ASTN2: variants seen among roughly 807,000 people sequenced by gnomAD.
The protein encoded by ASTN2 is astrotactin 2.
A neutral mutation model predicts 139.8 loss-of-function variants in ASTN2; 54 were observed. The ratio of observed to expected loss-of-function variants is 0.39; its 90% confidence interval spans 0.31 to 0.48. The LOEUF (loss-of-function observed/expected upper bound fraction) is 0.48, where lower values mean the gene tolerates loss of function less well. Ranked by LOEUF, ASTN2 falls within the 20% of genes least tolerant of loss-of-function variation. The pLI is 0.95. For missense variants in ASTN2, 1,565 were observed against 1,725.1 expected (o/e 0.91, Z 1.64); for synonymous variants, 756 against 719.5 (o/e 1.05, Z -0.81).
At chr9:116,672,529 A>G (rs1859259795) in intron 16 of ASTN2, among the ~76,000 whole-genome samples, 1 of 152,204 alleles carries the variant, frequency 6.6e-6, no homozygotes, top group Non-Finnish European at 1.5e-5. Flanking sequence ...TGAGAATAGT[A>G]ATAACAATAA....
At chr9:116,924,863 A>G (rs1834712143) in intron 10 of ASTN2, among the ~76,000 whole-genome samples, 1 of 152,104 alleles carries the variant, frequency 6.6e-6, no homozygotes, top group Non-Finnish European at 1.5e-5. Flanking sequence ...TGTGACTAAG[A>G]ACGCCTTAAC....
chr9:117,170,204 C>A (rs1830758992), intron 3 of ASTN2, among the ~76,000 whole-genome samples: 1 of 152,066 alleles, frequency 6.6e-6, no homozygotes. Flanking sequence ...TCTCATACTT[C>A]CTTTCCTTTG....
intron 17 of ASTN2, among the ~76,000 whole-genome samples, chr9:116,647,329 G>T (rs1459660327): frequency 6.6e-6 from 1 of 152,188 alleles, no homozygotes. Flanking sequence ...AGCATACAGT[G>T]GGGGCTCAAA....
intron 13 of ASTN2, among the ~76,000 whole-genome samples, chr9:116,756,518 A>G (rs1212649890): frequency 6.6e-6 from 1 of 152,126 alleles, no homozygotes; most frequent in South Asian, 2.1e-4. Flanking sequence ...AGTAATTCCA[A>G]GTCTAACAGA....
chr9:116,827,108 G>A lies in ASTN2; in HGVS notation c.2041-6325C>T, dbSNP rs1001484369. 4.6e-5 allele frequency among the ~76,000 whole-genome samples: 7 copies of A among 151,894 alleles called. No individual in the cohort carries two copies. The South Asian group carries it at 1.0e-3, about 23-fold the overall frequency. Reference sequence around the variant, plus strand: ...GCGGATCACCTAAGGTCGGGAGTTCGAGACCAGCCTGAGCAACATGGAGAA... The same window carrying A: ...GCGGATCACCTAAGGTCGGGAGTTCAAGACCAGCCTGAGCAACATGGAGAA... On this transcript the variant is annotated intron_variant, in intron 11 of 22. Transcript: ENST00000313400.
At chr9:116,791,372 T>C (rs1330699988) in intron 13 of ASTN2, among the ~76,000 whole-genome samples, 6 of 152,230 alleles carry the variant, frequency 3.9e-5, no homozygotes, top group Middle Eastern at 3.2e-3. Context: ...CCAATGTGGA[T>C]TGACCATAAT....
At position 116,485,116 on chromosome 9, in the gene ASTN2, C is replaced by T. The variant is rs992449336; in HGVS notation, c.3497+2243G>A. 2.6e-5 allele frequency among the ~76,000 whole-genome samples: 4 copies of T among 152,188 alleles called. No homozygotes were observed. The South Asian group carries it at 8.3e-4, about 32-fold the overall frequency. On this transcript the variant is annotated intron_variant, in intron 20 of 22. Coordinates refer to ENST00000313400, the MANE Select transcript of ASTN2 (RefSeq NM_001365068.1). ...AAAGTTGAAATTATCACAAGGGCAA[C>T]AACAGCAACATTGATAATAGCTAAC...
chr9:116,851,626 T>C (rs992392641), intron 11 of ASTN2, among the ~76,000 whole-genome samples: 1 of 152,152 alleles, frequency 6.6e-6, no homozygotes, highest in African/African-American at 2.4e-5. Flanking sequence ...ATTTTTTCTC[T>C]ATATGTCCTA....
chr9:116,511,112 C>T (rs1430908648), intron 19 of ASTN2, among the ~76,000 whole-genome samples: 1 of 152,094 alleles, frequency 6.6e-6, no homozygotes, highest in South Asian at 2.1e-4. Context: ...CATTTTTTGC[C>T]CATTCAGTAT....
chr9:117,280,013 C>T (rs1834288009), intron 2 of ASTN2, among the ~76,000 whole-genome samples: 1 of 152,142 alleles, frequency 6.6e-6, no homozygotes, highest in Non-Finnish European at 1.5e-5. Context: ...TCCCACATTG[C>T]ATTTAGTTGT....
chr9:116,907,281 G>A (rs1298595742), intron 10 of ASTN2, among the ~76,000 whole-genome samples: 1 of 152,218 alleles, frequency 6.6e-6, no homozygotes, highest in African/African-American at 2.4e-5. Flanking sequence ...GAGCTGGGTA[G>A]TGAATTTCTC....
chr9:117,045,969 T>A (rs1838724403), intron 5 of ASTN2, among the ~76,000 whole-genome samples: 1 of 131,228 alleles, frequency 7.6e-6, no homozygotes, highest in African/African-American at 3.0e-5. Context: ...TGTATGTATG[T>A]ATGTATGTAT....
chr9:117,279,462 G>A (rs1037213154), intron 2 of ASTN2, among the ~76,000 whole-genome samples: 9 of 152,136 alleles, frequency 5.9e-5, no homozygotes, highest in Non-Finnish European at 2.9e-5. Flanking sequence ...ACTTTTAACT[G>A]TAGAAACTAT....
chr9:117,406,354 C>G (rs1367310420), intron 1 of ASTN2, among the ~76,000 whole-genome samples: 1 of 152,160 alleles, frequency 6.6e-6, no homozygotes, highest in African/African-American at 2.4e-5. Context: ...TAAGTCAGAC[C>G]TTGGCACTGT....
chr9:116,507,431 G>A (rs1184528518), intron 19 of ASTN2, among the ~76,000 whole-genome samples: 1 of 152,126 alleles, frequency 6.6e-6, no homozygotes, highest in Non-Finnish European at 1.5e-5. Context: ...AATCAAACCA[G>A]ACTTTCTACT....
chr9:117,138,833 GA>G (rs1470152885), intron 4 of ASTN2, among the ~76,000 whole-genome samples: 1 of 152,190 alleles, frequency 6.6e-6, no homozygotes, highest in Non-Finnish European at 1.5e-5. Context: ...TCTTCTCTAA[GA>G]GGGGAAACAT....
At chr9:116,820,437 C>T (rs1300978920) in intron 12 of ASTN2, among the ~76,000 whole-genome samples, 180 bp downstream of exon 12, 4 of 152,108 alleles carry the variant, frequency 2.6e-5, no homozygotes, top group Non-Finnish European at 4.4e-5. Flanking sequence ...TCTTTTTTAA[C>T]CCACCCAACA....
intron 7 of ASTN2, among the ~76,000 whole-genome samples, chr9:116,988,722 C>G (rs544268991): frequency 6.6e-6 from 1 of 152,142 alleles, no homozygotes; most frequent in Non-Finnish European, 1.5e-5. Flanking sequence ...CAGCACAACC[C>G]GGTGTCTCAT....
At chr9:117,237,245 ATT>A (rs527254108) in intron 2 of ASTN2, among the ~76,000 whole-genome samples, 1 of 151,320 alleles carries the variant, frequency 6.6e-6, no homozygotes, top group African/African-American at 2.4e-5. Context: ...ATTATTATCT[ATT>A]TTTTTTTATA....
Sources: gnomAD v4.1 joint callset for allele counts (sites outside exome capture counted in the v4.1 genomes callset) on GRCh38, gnomAD v4.1.1 for gene constraint, MANE v1.5 for transcripts, NCBI Gene and HGNC (gene_info 2026-07-23, HGNC 2026-07-21) for gene names.